Variants in RAP1A observed in about 807,000 individuals in gnomAD.
The protein encoded by RAP1A is ras-related protein Rap-1A.
A neutral mutation model predicts 26.4 loss-of-function variants in RAP1A; 6 were observed. The observed-to-expected ratio is 0.23, with a 90% CI of 0.12 to 0.45. The LOEUF (loss-of-function observed/expected upper bound fraction) is 0.45. RAP1A is among the 20% of genes least tolerant of loss of function. The pLI, the probability that RAP1A is intolerant of heterozygous loss-of-function variation, is 0.99. For synonymous variants in RAP1A, 73 were observed against 79.4 expected, an observed-to-expected ratio of 0.92 and a Z score of 0.43; for missense variants, 121 against 217.2, an observed-to-expected ratio of 0.56 and a Z score of 2.78.
chr1:111,547,651 C>G (rs1169838919), intron 1 of RAP1A, among the ~76,000 whole-genome samples: 1 of 151,996 alleles, frequency 6.6e-6, no homozygotes, highest in Non-Finnish European at 1.5e-5. Flanking sequence ...AAAATTGGTG[C>G]CTTTTACAGA....
chr1:111,621,282 A>C (rs887995888), intron 1 of RAP1A, among the ~76,000 whole-genome samples: 2 of 152,218 alleles, frequency 1.3e-5, no homozygotes, highest in African/African-American at 2.4e-5. Context: ...GGGGGTGGAC[A>C]TGCCTATGTG....
intron 1 of RAP1A, among the ~76,000 whole-genome samples, chr1:111,568,914 C>T (rs1377113357): frequency 2.6e-5 from 4 of 152,222 alleles, no homozygotes; most frequent in East Asian, 1.9e-4. Flanking sequence ...ATAGTAAATA[C>T]ATTTTCTCTT....
chr1:111,692,873 T>G (rs1571566380), intron 2 of RAP1A, among the ~76,000 whole-genome samples: 5 of 152,062 alleles, frequency 3.3e-5, no homozygotes, highest in Admixed American at 3.3e-4. Context: ...TTCTTGGGAG[T>G]AGGATTGGAT....
At chr1:111,645,847 T>G (rs1660048629) in intron 1 of RAP1A, among the ~76,000 whole-genome samples, 1 of 152,148 alleles carries the variant, frequency 6.6e-6, no homozygotes, top group South Asian at 2.1e-4. Context: ...TAAGCTACAC[T>G]GTTGATCACC....
At chr1:111,695,023 T>C (rs1661782612) in intron 2 of RAP1A, among the ~76,000 whole-genome samples, 2 of 152,122 alleles carry the variant, frequency 1.3e-5, no homozygotes, top group South Asian at 2.1e-4. Flanking sequence ...GCAATAGGAG[T>C]TTAAATATTG....
intron 7 of RAP1A, among the ~76,000 whole-genome samples, chr1:111,709,728 A>G (rs74109863): frequency 0.043 from 6,573 of 152,262 alleles, 285 homozygotes; most frequent in African/African-American, 0.11. Context: ...TCCATGGATT[A>G]GTTTTGCCTC....
chr1:111,679,375 C>A (rs1482289512), intron 1 of RAP1A, among the ~76,000 whole-genome samples: 1 of 152,200 alleles, frequency 6.6e-6, no homozygotes, highest in Non-Finnish European at 1.5e-5. Context: ...CTACCCATTT[C>A]CCACAGTTTT....
intron 1 of RAP1A, among the ~76,000 whole-genome samples, chr1:111,622,514 TCTTCCCTTA>T (rs1659248047): frequency 1.3e-5 from 2 of 152,204 alleles, no homozygotes; most frequent in South Asian, 4.1e-4. Context: ...CAGTCTCAGG[TCTTCCCTTA>T]CTACCCTTCC....
chr1:111,666,835 G>A (rs1470042350), intron 1 of RAP1A, among the ~76,000 whole-genome samples: 2 of 152,186 alleles, frequency 1.3e-5, no homozygotes, highest in Non-Finnish European at 2.9e-5. Context: ...GTCATTGCAG[G>A]CAAAGGGAAT....
chr1:111,620,639 C>T (rs893471828), intron 1 of RAP1A, among the ~76,000 whole-genome samples: 1 of 152,232 alleles, frequency 6.6e-6, no homozygotes, highest in Non-Finnish European at 1.5e-5. Context: ...AGCCCCTTTC[C>T]CGCCTTCTTT....
chr1:111,593,055 G>T (rs778689335), intron 1 of RAP1A, among the ~76,000 whole-genome samples: 39 of 152,134 alleles, frequency 2.6e-4, no homozygotes, highest in Admixed American at 7.2e-4. Flanking sequence ...CAAGTTGGCA[G>T]AGGTGGCTGA....
intron 1 of RAP1A, among the ~76,000 whole-genome samples, chr1:111,630,116 A>G (rs1319156557): frequency 6.6e-6 from 1 of 152,212 alleles, no homozygotes; most frequent in Non-Finnish European, 1.5e-5. Context: ...TACTGTTATA[A>G]GATAGTTCAT....
chr1:111,692,776 TA>T (rs1557894726), intron 2 of RAP1A, among the ~76,000 whole-genome samples: 1 of 152,260 alleles, frequency 6.6e-6, no homozygotes, highest in Non-Finnish European at 1.5e-5. Flanking sequence ...GTTTTATATT[TA>T]AAAAAATGTA....
At chr1:111,545,844 T>C (rs1465508245) in intron 1 of RAP1A, among the ~76,000 whole-genome samples, 4 of 152,164 alleles carry the variant, frequency 2.6e-5, no homozygotes, top group South Asian at 2.1e-4. Context: ...TATGTAGATA[T>C]TCAGTTGTCC....
intron 1 of RAP1A, among the ~76,000 whole-genome samples, chr1:111,574,099 G>T (rs183075273): frequency 3.4e-4 from 51 of 152,226 alleles, no homozygotes; most frequent in African/African-American, 1.2e-3. Context: ...AGTTTTACAT[G>T]TAAGTCTTTA....
chr1:111,548,331 T>C (rs1657115876), intron 1 of RAP1A, among the ~76,000 whole-genome samples: 1 of 152,252 alleles, frequency 6.6e-6, no homozygotes, highest in African/African-American at 2.4e-5. Flanking sequence ...TGGACCACTT[T>C]TTACCTCTTG....
intron 5 of RAP1A, 112 bp from the exon 6 acceptor site, chr1:111,704,231 G>T: frequency 3.9e-6 from 4 of 1,027,346 alleles, no homozygotes; most frequent in East Asian, 3.0e-5. Context: ...GATGAAGCTT[G>T]CGGTCCCAAC....
At chr1:111,647,519 G>T (rs142356732) in intron 1 of RAP1A, among the ~76,000 whole-genome samples, 1 of 152,172 alleles carries the variant, frequency 6.6e-6, no homozygotes, top group East Asian at 1.9e-4. Context: ...AAAGGTTGGG[G>T]ATCGCTGCCT....
At chr1:111,597,716 A>G (rs1413298323) in intron 1 of RAP1A, among the ~76,000 whole-genome samples, 1 of 152,214 alleles carries the variant, frequency 6.6e-6, no homozygotes, top group Non-Finnish European at 1.5e-5. Flanking sequence ...AAGAAAGGGG[A>G]GAAATATACA....
Sources: allele counts gnomAD v4.1 joint callset (sites outside exome capture counted in the v4.1 genomes callset), GRCh38; gene constraint gnomAD v4.1.1; transcripts MANE v1.5; gene names NCBI Gene and HGNC (gene_info 2026-07-23, HGNC 2026-07-21).